Variants in AFF3 observed in about 807,000 individuals in gnomAD.
AFF3 encodes the protein AF4/FMR2 family member 3.
In AFF3, 32 loss-of-function variants were observed where a neutral mutation model predicts 129.7. The ratio of observed to expected loss-of-function variants is 0.25; its 90% confidence interval spans 0.19 to 0.33. The LOEUF (loss-of-function observed/expected upper bound fraction) is 0.33, where lower values mean the gene tolerates loss of function less well. Among genes scored for constraint, AFF3 ranks in the 10% least tolerant of loss-of-function variants. The pLI is 1.00. For missense variants in AFF3, 1,373 were observed against 1,592.0 expected, an observed-to-expected ratio of 0.86 and a Z score of 2.34; for synonymous variants, 644 against 635.4, an observed-to-expected ratio of 1.01 and a Z score of -0.20.
chr2:100,106,137 T>C (rs1691278375), intron 2 of AFF3: 1 of 1,235,254 alleles, frequency 8.1e-7, no homozygotes, highest in Non-Finnish European at 1.0e-6. Flanking sequence ...TTGAGAATGC[T>C]CAGCCTGGCT....
chr2:99,869,181 C>A (rs779850395), intron 7 of AFF3, among the ~76,000 whole-genome samples: 18 of 152,068 alleles, frequency 1.2e-4, no homozygotes, highest in Non-Finnish European at 2.6e-4. Context: ...CAGCTTAGGG[C>A]TTTCACCAAA....
chr2:100,047,146 C>T (rs1353766065), intron 4 of AFF3, among the ~76,000 whole-genome samples: 1 of 152,222 alleles, frequency 6.6e-6, no homozygotes, highest in Non-Finnish European at 1.5e-5. Flanking sequence ...CAATGGCACC[C>T]GTGCTGGATG....
At chr2:99,925,725 T>C (rs1196653274) in intron 7 of AFF3, among the ~76,000 whole-genome samples, 4 of 152,158 alleles carry the variant, frequency 2.6e-5, no homozygotes, top group Non-Finnish European at 5.9e-5. Context: ...TGTTCAGAAG[T>C]CATGTGCAGG....
intron 14 of AFF3, among the ~76,000 whole-genome samples, chr2:99,598,507 G>C (rs1390943780): frequency 3.9e-5 from 6 of 152,152 alleles, no homozygotes; most frequent in Non-Finnish European, 8.8e-5. Context: ...AAACAAATTG[G>C]CTCTCAACAC....
intron 3 of AFF3, chr2:100,104,795 T>TGCAGCAGCA: frequency 2.8e-6 from 2 of 721,780 alleles, no homozygotes; most frequent in Non-Finnish European, 3.2e-6. Context: ...GGCCCGCTGC[T>TGCAGCAGCA]GCAGCCGCCG....
At chr2:99,584,681 G>T (rs981076257) in intron 16 of AFF3, among the ~76,000 whole-genome samples, 2 of 152,118 alleles carry the variant, frequency 1.3e-5, no homozygotes, top group Non-Finnish European at 2.9e-5. Context: ...TAAAAGTATT[G>T]TTTGGGGAAG....
At chr2:99,835,074 CT>C (rs1688762559) in intron 8 of AFF3, among the ~76,000 whole-genome samples, 2 of 151,994 alleles carry the variant, frequency 1.3e-5, no homozygotes, top group African/African-American at 4.8e-5. Flanking sequence ...AAACCAGGAT[CT>C]TCCCTAATGT....
chr2:99,559,555 C>A (rs56698103), intron 21 of AFF3, among the ~76,000 whole-genome samples: 5,279 of 152,236 alleles, frequency 0.035, 312 homozygotes, highest in African/African-American at 0.12. Flanking sequence ...AGTATTCTAT[C>A]TTATATAATC....
rs776593497 is a variant in AFF3 at position 99,550,340 on chromosome 2, C to T, written c.*1134G>A. On this transcript the variant is annotated 3_prime_UTR_variant, in exon 25 of 25. Transcript: ENST00000672756. ...CTGCTAATCAAAGCCTGAAAAATCG[C>T]CCCCAAATCAAAACGCATCAAAGGG... 34 of 230,744 alleles carry T rather than the reference C, an allele frequency of 1.5e-4. No homozygotes were observed. Among genetic ancestry groups the T allele is most frequent in the Non-Finnish European group, 2.7e-4 (32 of 116,580 alleles). 14.3% of individuals were successfully genotyped at this position (230,744 alleles called of 1,614,324 possible). A position where few individuals can be genotyped will look rare whatever the true frequency, so the allele number is the denominator to read the frequency against.
At chr2:100,041,710 AT>A (rs1180884402) in intron 4 of AFF3, among the ~76,000 whole-genome samples, 1 of 152,240 alleles carries the variant, frequency 6.6e-6, no homozygotes, top group Non-Finnish European at 1.5e-5. Context: ...ATAAAACTGC[AT>A]GTATCTTCTC....
At chr2:99,648,917 A>ACACACACACACACTCTCTCTCTCTCTCT in intron 13 of AFF3, among the ~76,000 whole-genome samples, 2 of 46,918 alleles carry the variant, frequency 4.3e-5, no homozygotes, top group African/African-American at 6.4e-5. Context: ...ACACACACAC[A>ACACACACACACACTCTCTCTCTCTCTCT]CTCTCTCTCT....
chr2:99,604,432 T>C (rs1014765775), intron 13 of AFF3, among the ~76,000 whole-genome samples: 1 of 151,932 alleles, frequency 6.6e-6, no homozygotes, highest in Non-Finnish European at 1.5e-5. Context: ...TGAGAACACA[T>C]GGACACTGAG....
chr2:100,134,688 C>T (rs11677607), intron 1 of AFF3, among the ~76,000 whole-genome samples: 37,320 of 152,042 alleles, frequency 0.25, 4,947 homozygotes, highest in East Asian at 0.56. Flanking sequence ...TTGCATCTAG[C>T]TTTTACTCTC....
chr2:99,797,353 A>G (rs1685623779), intron 8 of AFF3, among the ~76,000 whole-genome samples: 1 of 152,174 alleles, frequency 6.6e-6, no homozygotes, highest in African/African-American at 2.4e-5. Flanking sequence ...AAAAGAAAAC[A>G]TTAGTGAGCT....
At chr2:99,726,241 G>T (rs1050311626) in intron 11 of AFF3, among the ~76,000 whole-genome samples, 3 of 152,144 alleles carry the variant, frequency 2.0e-5, no homozygotes, top group African/African-American at 7.2e-5. Context: ...GACAAAATAA[G>T]ACACTCAGTA....
chr2:99,918,140 TG>T (rs1695603143), intron 7 of AFF3, among the ~76,000 whole-genome samples: 2 of 152,206 alleles, frequency 1.3e-5, no homozygotes, highest in Non-Finnish European at 2.9e-5. Context: ...AAATATTTAC[TG>T]GTTGCAGTTA....
At chr2:99,958,946 T>C (rs946327756) in intron 7 of AFF3, among the ~76,000 whole-genome samples, 5 of 151,932 alleles carry the variant, frequency 3.3e-5, no homozygotes, top group African/African-American at 1.2e-4. Context: ...GGCCCATCTC[T>C]ATAAAAAATA....
chr2:100,058,692 G>A (rs1687001579), intron 4 of AFF3, among the ~76,000 whole-genome samples: 2 of 152,106 alleles, frequency 1.3e-5, no homozygotes, highest in African/African-American at 4.8e-5. Context: ...ACTCAAAATA[G>A]ATCATGAACC....
intron 17 of AFF3, among the ~76,000 whole-genome samples, chr2:99,582,056 T>C (rs993739719): frequency 6.6e-6 from 1 of 152,012 alleles, no homozygotes. Context: ...GGTTTCACCA[T>C]GTTGGCCAGG....
Sources: allele counts gnomAD v4.1 joint callset (sites outside exome capture counted in the v4.1 genomes callset), GRCh38; gene constraint gnomAD v4.1.1; transcripts MANE v1.5; gene names NCBI Gene and HGNC (gene_info 2026-07-23, HGNC 2026-07-21).